Variants in C1orf87 observed in about 807,000 individuals in gnomAD.
The protein encoded by C1orf87 is chromosome 1 open reading frame 87.
Under a neutral mutation model 60.5 loss-of-function variants are expected in C1orf87, and 58 were observed. That is an observed-to-expected ratio of 0.96 (90% CI 0.78 to 1.19). The LOEUF (loss-of-function observed/expected upper bound fraction) is 1.19, where lower values mean the gene tolerates loss of function less well. C1orf87 is among the 50% of genes most tolerant of loss of function. The pLI is 0.00. For missense variants in C1orf87, 673 were observed against 638.6 expected (o/e 1.05, Z -0.58); for synonymous variants, 236 against 227.4 (o/e 1.04, Z -0.34).
chr1:60,013,445 TC>T (rs575197085), intron 8 of C1orf87, among the ~76,000 whole-genome samples: 387 of 152,192 alleles, frequency 2.5e-3, no homozygotes, highest in African/African-American at 8.5e-3. Flanking sequence ...CAAAATTCTT[TC>T]TAGTTTCTTC....
At position 60,008,923 on chromosome 1, in the gene C1orf87, C is replaced by G. The variant is rs1046715063; in HGVS notation, c.1192+1469G>C. The stretch of plus-strand genomic sequence containing the variant: ...CCCTAGAACCATCTGTGTGGTGACA[C>G]TAGCTACTAGATTCTGATAGTAATA... On this transcript the variant is annotated intron_variant, in intron 9 of 11. Transcript: ENST00000371201. The G allele has an allele frequency of 1.6e-4, 43 of 268,782 alleles. No individual in the cohort carries two copies. The Middle Eastern group carries it at 4.2e-3, about 26-fold the overall frequency. 16.6% of individuals were successfully genotyped at this position (268,782 alleles called of 1,614,324 possible). A position where few individuals can be genotyped will look rare whatever the true frequency, so the allele number is the denominator to read the frequency against.
At chr1:60,037,005 C>T (rs1645282519) in intron 6 of C1orf87, among the ~76,000 whole-genome samples, 1 of 152,140 alleles carries the variant, frequency 6.6e-6, no homozygotes, top group Non-Finnish European at 1.5e-5. Flanking sequence ...ACACAGCAAC[C>T]TCATAAAAAG....
chr1:60,024,895 C>CAAT (rs1212682402), intron 8 of C1orf87, among the ~76,000 whole-genome samples: 1 of 152,174 alleles, frequency 6.6e-6, no homozygotes, highest in Non-Finnish European at 1.5e-5. Context: ...TGGAAGTTTC[C>CAAT]TGCTTTGTTT....
At position 60,071,889 on chromosome 1, in the gene C1orf87, G is replaced by A. The variant is rs186371166; in HGVS notation, c.107+648C>T. On this transcript the variant is annotated intron_variant, in intron 2 of 11. Coordinates refer to ENST00000371201, the MANE Select transcript of C1orf87 (RefSeq NM_152377.3). ...TTTGACTAGCTATTACTTATGGAACGCCTACTATATGAAAGACAGATCTAG... is the reference window on the plus strand; with the variant it reads ...TTTGACTAGCTATTACTTATGGAACACCTACTATATGAAAGACAGATCTAG... 1.3e-4 allele frequency among the ~76,000 whole-genome samples: 20 copies of A among 152,228 alleles called. 1 individual carries two copies. The highest frequency in any genetic ancestry group is 3.6e-4 in the African/African-American group (15 of 41,548).
intron 7 of C1orf87, among the ~76,000 whole-genome samples, chr1:60,030,785 T>C (rs1645232435): frequency 6.6e-6 from 1 of 152,248 alleles, no homozygotes; most frequent in Admixed American, 6.5e-5. Flanking sequence ...TTGGCAGTCC[T>C]GACAGAAACC....
At chr1:60,038,508 T>G (rs1461546232) in intron 5 of C1orf87, among the ~76,000 whole-genome samples, 2 of 152,124 alleles carry the variant, frequency 1.3e-5, no homozygotes, top group East Asian at 3.9e-4. Flanking sequence ...TAAGAAGAAC[T>G]ATGGCTGGCT....
At chr1:60,071,502 T>C (rs1353106471) in intron 2 of C1orf87, among the ~76,000 whole-genome samples, 1 of 152,226 alleles carries the variant, frequency 6.6e-6, no homozygotes, top group East Asian at 1.9e-4. Flanking sequence ...TCAGTTCCTG[T>C]GCAGTGGCAG....
chr1:60,045,593 T>C (rs1300548659), intron 3 of C1orf87, among the ~76,000 whole-genome samples: 1 of 152,224 alleles, frequency 6.6e-6, no homozygotes, highest in African/African-American at 2.4e-5. Flanking sequence ...TATCCCCACA[T>C]TACCCTCCAC....
At chr1:60,062,738 A>G (rs1645505767) in intron 2 of C1orf87, among the ~76,000 whole-genome samples, 1 of 152,166 alleles carries the variant, frequency 6.6e-6, no homozygotes. Context: ...TTTCTGTCAC[A>G]TATGTTGTAA....
intron 11 of C1orf87, among the ~76,000 whole-genome samples, chr1:59,996,420 A>G (rs1644964176): frequency 6.6e-6 from 1 of 152,060 alleles, no homozygotes. Flanking sequence ...GTCATCAAGG[A>G]TCCTTCTGAA....
rs192594813 is a variant in C1orf87 at position 59,995,105 on chromosome 1, C to T, written c.1480+2504G>A. Among the ~76,000 whole-genome samples, 4 of 152,348 alleles carry T rather than the reference C, an allele frequency of 2.6e-5. No homozygotes were observed. In the East Asian group the frequency reaches 7.7e-4, roughly 29 times the overall value. The stretch of plus-strand genomic sequence containing the variant: ...ATCTGTCGGAATCTGCCTCCAAAGT[C>T]AACAAACTCCGTTTCTCCTCAGAAC... On this transcript the variant is annotated intron_variant, in intron 11 of 11. Transcript: ENST00000371201.
intron 3 of C1orf87, among the ~76,000 whole-genome samples, chr1:60,049,121 TA>T (rs981644902): frequency 5.9e-5 from 9 of 152,168 alleles, no homozygotes; most frequent in South Asian, 2.1e-4. Context: ...GATTTTCTTA[TA>T]AAAAAATGTA....
Position 60,025,480 on chromosome 1 carries a change from TC to T in C1orf87, c.1047del (p.Lys350SerfsTer6). ...LPLPKVRAIC[G>X]KHGLYLTLSL... ...CTCAGGGTCAGATATAATCCATGCT[TC>T]CCACATATAGCCCTGACCTACAAGT... is the stretch of plus-strand genomic sequence containing the variant. On this transcript the variant is annotated frameshift_variant, in exon 8 of 12. Transcript: ENST00000371201. LOFTEE classifies it high-confidence loss of function. 6.2e-7 allele frequency: 1 copy of T among 1,612,552 alleles called. No homozygotes were observed. The highest frequency in any genetic ancestry group is 1.1e-5 in the South Asian group (1 of 90,822).
intron 2 of C1orf87, among the ~76,000 whole-genome samples, chr1:60,058,773 A>G (rs1042473970): frequency 8.5e-5 from 13 of 152,224 alleles, no homozygotes; most frequent in African/African-American, 2.4e-4. Flanking sequence ...TATTGGCAGT[A>G]GAGTCAGAGG....
intron 7 of C1orf87, among the ~76,000 whole-genome samples, chr1:60,029,562 T>C (rs1557466934): frequency 1.3e-5 from 2 of 151,938 alleles, no homozygotes; most frequent in Admixed American, 1.3e-4. Context: ...GAATTAGCCA[T>C]GCTCTCATGT....
intron 9 of C1orf87, 89 bp from the exon 10 acceptor site, chr1:60,001,245 AC>A: frequency 7.8e-6 from 7 of 902,806 alleles, no homozygotes; most frequent in East Asian, 3.1e-5. Flanking sequence ...AACAACAGCA[AC>A]AACAAAAAAA....
At chr1:59,992,623 G>A (rs1644932141) in intron 11 of C1orf87, among the ~76,000 whole-genome samples, 1 of 152,138 alleles carries the variant, frequency 6.6e-6, no homozygotes, top group South Asian at 2.1e-4. Flanking sequence ...AGAATCCAGA[G>A]GCAGTGCCTT....
chr1:60,066,540 CTTA>C (rs1304904929), intron 2 of C1orf87, among the ~76,000 whole-genome samples: 6 of 152,104 alleles, frequency 3.9e-5, no homozygotes, highest in Non-Finnish European at 8.8e-5. Context: ...TTCTAGTTCT[CTTA>C]TTATTTTCAC....
chr1:59,993,756 C>A (rs1391474498), intron 11 of C1orf87, among the ~76,000 whole-genome samples: 1 of 129,214 alleles, frequency 7.7e-6, no homozygotes. Context: ...AATAAGAATC[C>A]TTTTTTTTTT....
Sources: gnomAD v4.1 joint callset for allele counts (sites outside exome capture counted in the v4.1 genomes callset) on GRCh38, gnomAD v4.1.1 for gene constraint, MANE v1.5 for transcripts, NCBI Gene and HGNC (gene_info 2026-07-23, HGNC 2026-07-21) for gene names.